CMKLR1: variants seen among roughly 807,000 people sequenced by gnomAD.
CMKLR1 encodes chemerin chemokine-like receptor 1.
Under a neutral mutation model 8.2 loss-of-function variants are expected in CMKLR1, and 6 were observed. The observed-to-expected ratio is 0.73, with a 90% CI of 0.40 to 1.44. The LOEUF is 1.44. Among genes scored for constraint, CMKLR1 ranks in the 40% most tolerant of loss-of-function variants. The pLI is 0.02. For synonymous variants in CMKLR1, 178 were observed against 181.2 expected (o/e 0.98, Z 0.14); for missense variants, 429 against 478.0 (o/e 0.90, Z 0.96).
chr12:108,329,711 CTCTG>C (rs1892060049), intron 2 of CMKLR1, among the ~76,000 whole-genome samples: 1 of 152,320 alleles, frequency 6.6e-6, no homozygotes. Flanking sequence ...TGGGCCTCCA[CTCTG>C]TCTGTTTACT....
intron 2 of CMKLR1, among the ~76,000 whole-genome samples, chr12:108,329,120 G>A (rs1180619679): frequency 6.6e-6 from 1 of 152,226 alleles, no homozygotes; most frequent in Non-Finnish European, 1.5e-5. Context: ...CGGGTTGTCT[G>A]GAATCTTCCA....
In CMKLR1 at chr12:108,308,043, A is replaced by G. The variant is rs184287536; in HGVS notation, c.-73-14379T>C. On this transcript the variant is annotated intron_variant, in intron 2 of 3. Coordinates refer to ENST00000550402, the MANE Select transcript of CMKLR1 (RefSeq NM_001142343.2). ...AGTGACCGAGTGAGCACGTGGGTAG[A>G]ATCAGGAGCTCCAGGCTGGGCTTCC... 5.1e-3 allele frequency among the ~76,000 whole-genome samples: 778 copies of G among 152,338 alleles called. 4 individuals carry two copies. Among genetic ancestry groups the G allele is most frequent in the Non-Finnish European group, 8.2e-3 (558 of 68,026 alleles).
At chr12:108,316,406 G>A (rs1415534244) in intron 2 of CMKLR1, among the ~76,000 whole-genome samples, 2 of 152,192 alleles carry the variant, frequency 1.3e-5, no homozygotes, top group East Asian at 3.9e-4. Context: ...AGGGGGAAGA[G>A]GGGCAGGGAG....
intron 2 of CMKLR1, among the ~76,000 whole-genome samples, chr12:108,297,422 G>A (rs1891166100): frequency 6.6e-6 from 1 of 152,262 alleles, no homozygotes; most frequent in African/African-American, 2.4e-5. Flanking sequence ...AAATTTTGGG[G>A]GAGTCAAAAG....
chr12:108,329,210 T>C (rs944557958), intron 2 of CMKLR1, among the ~76,000 whole-genome samples: 2 of 152,178 alleles, frequency 1.3e-5, no homozygotes, highest in African/African-American at 4.8e-5. Flanking sequence ...TCCCATGAAA[T>C]AAAGCACATT....
At chr12:108,334,936 CA>C (rs1892187026) in intron 1 of CMKLR1, among the ~76,000 whole-genome samples, 2 of 152,060 alleles carry the variant, frequency 1.3e-5, no homozygotes, top group South Asian at 4.1e-4. Flanking sequence ...TTCCTTTTTC[CA>C]GGGGGAAAAG....
chr12:108,297,332 TATAAC>T (rs1256045962), intron 2 of CMKLR1, among the ~76,000 whole-genome samples: 3 of 152,226 alleles, frequency 2.0e-5, no homozygotes, highest in Non-Finnish European at 2.9e-5. Flanking sequence ...ATATAATACA[TATAAC>T]ATAAAAAAAT....
At position 108,291,965 on chromosome 12, in the gene CMKLR1, C is replaced by T. The variant is rs201296420; in HGVS notation, c.998G>A (p.Arg333His). 8.7e-5 allele frequency: 141 copies of T among 1,614,000 alleles called. No individual in the cohort carries two copies. Among genetic ancestry groups the T allele is most frequent in the Middle Eastern group, 1.6e-4 (1 of 6,084 alleles). Residue 333 changes from arginine (R) to histidine (H), a missense_variant, in exon 4 of 4, where the codon CGC becomes CAC. Transcript: ENST00000550402. ...ATCTTCACTTAGAGCATTGACCAGG[C>T]GAGAGAAGAGGGCCACCTTGAACTT... ...FKKFKVALFS[R>H]LVNALSEDTG...
intron 1 of CMKLR1, among the ~76,000 whole-genome samples, chr12:108,336,818 A>G (rs1892237095): frequency 6.6e-6 from 1 of 152,254 alleles, no homozygotes; most frequent in Non-Finnish European, 1.5e-5. Context: ...GTGGAATAGA[A>G]ATGATCATCA....
In CMKLR1 at chr12:108,312,636, G is replaced by T. The variant is rs80178090; in HGVS notation, c.-74+17359C>A. Among the ~76,000 whole-genome samples, 873 of 152,314 alleles carry T rather than the reference G, an allele frequency of 5.7e-3. 12 individuals are homozygous for T. Among genetic ancestry groups the T allele is most frequent in the African/African-American group, 0.019 (809 of 41,574 alleles). On this transcript the variant is annotated intron_variant, in intron 2 of 3. Transcript: ENST00000550402. ...AAGCCATAGAGAAGCAAGGGCACTG[G>T]CCCAAGATCTCACAGTAGGAAGGGG...
chr12:108,319,642 G>A (rs1891812032), intron 2 of CMKLR1, among the ~76,000 whole-genome samples: 1 of 152,132 alleles, frequency 6.6e-6, no homozygotes, highest in Non-Finnish European at 1.5e-5. Context: ...TAAACAGCTA[G>A]AATAATAATA....
At chr12:108,302,339 C>T (rs1284199226) in intron 2 of CMKLR1, among the ~76,000 whole-genome samples, 1 of 152,218 alleles carries the variant, frequency 6.6e-6, no homozygotes, top group African/African-American at 2.4e-5. Context: ...CCAGGCAGTG[C>T]CCCACCTCCC....
intron 2 of CMKLR1, among the ~76,000 whole-genome samples, chr12:108,296,961 T>C (rs1891153617): frequency 1.3e-5 from 2 of 152,218 alleles, no homozygotes; most frequent in African/African-American, 4.8e-5. Context: ...CCTTTGCCAA[T>C]TGTGAATTAT....
intron 2 of CMKLR1, among the ~76,000 whole-genome samples, chr12:108,310,491 G>C (rs1891528137): frequency 6.6e-6 from 1 of 152,188 alleles, no homozygotes; most frequent in South Asian, 2.1e-4. Context: ...GGAGGCTCCA[G>C]GCATCAGGAT....
At chr12:108,320,080 C>T (rs1193680253) in intron 2 of CMKLR1, among the ~76,000 whole-genome samples, 2 of 152,106 alleles carry the variant, frequency 1.3e-5, no homozygotes, top group East Asian at 1.9e-4. Context: ...TCAGGGAAGG[C>T]TGCCTGGACA....
chr12:108,337,912 G>T (rs1318089179), intron 1 of CMKLR1, among the ~76,000 whole-genome samples: 1 of 152,200 alleles, frequency 6.6e-6, no homozygotes, highest in Non-Finnish European at 1.5e-5. Context: ...CAGTTTGGAA[G>T]GGGCAGGAGA....
At chr12:108,293,121 C>G (rs1016693087) in intron 3 of CMKLR1, among the ~76,000 whole-genome samples, 162 bp from the exon 4 acceptor site, 1 of 152,178 alleles carries the variant, frequency 6.6e-6, no homozygotes, top group African/African-American at 2.4e-5. Flanking sequence ...ACAAATGCCT[C>G]TCTGGTACCT....
At chr12:108,327,912 G>A (rs1326864981) in intron 2 of CMKLR1, among the ~76,000 whole-genome samples, 2 of 152,192 alleles carry the variant, frequency 1.3e-5, no homozygotes, top group Non-Finnish European at 2.9e-5. Flanking sequence ...TCCAGGACAT[G>A]GAGGATGTCC....
chr12:108,333,007 C>A (rs1425989459), intron 1 of CMKLR1, among the ~76,000 whole-genome samples: 1 of 152,094 alleles, frequency 6.6e-6, no homozygotes. Flanking sequence ...AGGTGTCAAA[C>A]CCAGGATTAG....
Sources: allele counts gnomAD v4.1 joint callset (sites outside exome capture counted in the v4.1 genomes callset), GRCh38; gene constraint gnomAD v4.1.1; transcripts MANE v1.5; gene names NCBI Gene and HGNC (gene_info 2026-07-23, HGNC 2026-07-21).